Variants in NINL observed in about 807,000 individuals in gnomAD.
The protein encoded by NINL is ninein-like protein.
NINL carries 153 observed loss-of-function variants against 160.3 expected under a neutral mutation model. That is an observed-to-expected ratio of 0.95 (90% CI 0.84 to 1.09). The LOEUF is 1.09. Ranked by LOEUF, NINL falls within the 50% of genes least tolerant of loss-of-function variation. The pLI, the probability that NINL is intolerant of heterozygous loss-of-function variation, is 0.00. For synonymous variants in NINL, 800 were observed against 734.8 expected (o/e 1.09, Z -1.43); for missense variants, 1,829 against 1,764.0 (o/e 1.04, Z -0.66).
intron 15 of NINL, among the ~76,000 whole-genome samples, chr20:25,479,884 G>C (rs11697535): frequency 6.6e-6 from 1 of 152,328 alleles, no homozygotes; most frequent in African/African-American, 2.4e-5. Context: ...GGCTGGCCAC[G>C]GCGCTGCGCT....
At chr20:25,521,776 T>C (rs150681613) in intron 2 of NINL, among the ~76,000 whole-genome samples, 1 of 152,206 alleles carries the variant, frequency 6.6e-6, no homozygotes, top group African/African-American at 2.4e-5. Context: ...CTTGAATGAC[T>C]CCGGGTTTTG....
chr20:25,584,578 C>A (rs910249542), intron 1 of NINL, among the ~76,000 whole-genome samples: 1 of 152,232 alleles, frequency 6.6e-6, no homozygotes, highest in African/African-American at 2.4e-5. Context: ...AAGAAACTTA[C>A]CATTACTCAT....
chr20:25,542,705 A>T lies in NINL; in HGVS notation c.-11-16107T>A, dbSNP rs1405157352. On this transcript the variant is annotated intron_variant, in intron 1 of 23. Coordinates refer to ENST00000278886, the MANE Select transcript of NINL (RefSeq NM_025176.6). ...AATAAACTTGCTTTCACTAAAAAAAAAAAAAAAAAAAAAAAAAAAAAAAAA... is the reference window on the plus strand; with the variant it reads ...AATAAACTTGCTTTCACTAAAAAAATAAAAAAAAAAAAAAAAAAAAAAAAA... Among the ~76,000 whole-genome samples, 12 of 3,356 alleles carry T rather than the reference A, an allele frequency of 3.6e-3. No individual in the cohort carries two copies. In the East Asian group the frequency reaches 0.087, roughly 24 times the overall value. 2.2% of individuals were successfully genotyped at this position (3,356 alleles called of 152,430 possible).
rs745365143 is a variant in NINL, at chr20:25,517,760, C to T, written c.270G>A (p.Leu90=). 3 of 1,596,656 alleles carry T rather than the reference C, an allele frequency of 1.9e-6. No individual in the cohort carries two copies. Among genetic ancestry groups the T allele is most frequent in the South Asian group, 1.1e-5 (1 of 87,436 alleles). ...VRPSDEDSSS[L]ESAASSAIPP... ...CAGAGGAAATCCTCTTACCTGATTC[C>T]AAAGAACTACTGTCTTCATCTGAGG... Residue 90 remains leucine (L), a synonymous_variant, in exon 3 of 24, where the codon TTG becomes TTA. Coordinates refer to ENST00000278886, the MANE Select transcript of NINL (RefSeq NM_025176.6).
At chr20:25,577,143 T>G (rs762135661) in intron 1 of NINL, among the ~76,000 whole-genome samples, 1 of 152,186 alleles carries the variant, frequency 6.6e-6, no homozygotes, top group Non-Finnish European at 1.5e-5. Context: ...TTACCTTCAT[T>G]TGGGGCCTTG....
In NINL at chr20:25,467,261, G is replaced by C. The variant is rs1251109562; in HGVS notation, c.3423+128C>G. The C allele has an allele frequency of 4.7e-6, 4 of 846,840 alleles. No homozygotes were observed. The East Asian group carries it at 9.8e-5, about 21-fold the overall frequency. 52.5% of individuals were successfully genotyped at this position (846,840 alleles called of 1,614,324 possible). The stretch of plus-strand genomic sequence containing the variant: ...TGACTTTGATGGGGCCTGGGGGCCA[G>C]TCAGCAACTCACTGTCAAGTCTTTT... On this transcript the variant is annotated intron_variant, in intron 19 of 23. Transcript: ENST00000278886.
chr20:25,458,388 G>T lies in NINL; in HGVS notation c.3838C>A (p.Gln1280Lys). The change falls in exon 22 of 24, where the codon CAG becomes AAG. Residue 1280 changes from glutamine (Q) to lysine (K), a missense_variant. Gln to Lys is a moderately conservative substitution (Grantham distance 53). Coordinates refer to ENST00000278886, the MANE Select transcript of NINL (RefSeq NM_025176.6). ...GEQARRRLDA[Q>K]REEHEKQLKA... is the part of the protein sequence containing the mutation. ...CTCGCTGCATCCCCACTTACCCGCT[G>T]TGCATCCAGGCGCCTCCTGGCCTGC... The T allele has an allele frequency of 6.2e-7, 1 of 1,606,346 alleles. No homozygotes were observed.
intron 22 of NINL, 144 bp from the exon 23 acceptor site, chr20:25,455,930 T>TA (rs1035510704): frequency 5.9e-5 from 38 of 648,618 alleles, no homozygotes; most frequent in Admixed American, 9.5e-5. Flanking sequence ...CCATCTCTAC[T>TA]AAAAAAAATA....
intron 5 of NINL, among the ~76,000 whole-genome samples, chr20:25,507,362 C>A (rs1446064479): frequency 6.6e-6 from 1 of 152,106 alleles, no homozygotes; most frequent in African/African-American, 2.4e-5. Context: ...CTTTTCCTAA[C>A]CTTTGTCTTC....
Position 25,476,616 on chromosome 20 carries a change from G to C in NINL, c.2675C>G (p.Ala892Gly), listed in dbSNP as rs768387918. 10 of 1,593,034 alleles carry C rather than the reference G, an allele frequency of 6.3e-6. No individual in the cohort carries two copies. In the Admixed American group the frequency reaches 1.7e-4, roughly 27 times the overall value. ...GTGGGATGCCGGGGCAGGGGCGGGG[G>C]CCGGGCTCTGCGTAGCTTCTGTGTC... ...AQDTEATQSP[A>G]PAPAPASHGP... Residue 892 changes from alanine to glycine, a missense_variant, in exon 17 of 24, where the codon GCC becomes GGC. By Grantham distance (60) the Ala-to-Gly change is moderately conservative. Transcript: ENST00000278886.
At chr20:25,521,226 C>T (rs1046969276) in intron 2 of NINL, among the ~76,000 whole-genome samples, 2 of 152,084 alleles carry the variant, frequency 1.3e-5, no homozygotes, top group African/African-American at 4.8e-5. Context: ...CTGTTAAATG[C>T]TTCTATTTAG....
intron 17 of NINL, among the ~76,000 whole-genome samples, chr20:25,472,323 G>GGA (rs1177798376): frequency 1.5e-4 from 8 of 54,626 alleles, no homozygotes; most frequent in South Asian, 7.4e-4. Flanking sequence ...TGGGAGGAGA[G>GGA]GATATATATA....
At chr20:25,558,110 T>C (rs980506602) in intron 1 of NINL, among the ~76,000 whole-genome samples, 10 of 152,120 alleles carry the variant, frequency 6.6e-5, no homozygotes, top group African/African-American at 2.2e-4. Context: ...CATTACACTA[T>C]AGCCTGGGTG....
intron 1 of NINL, among the ~76,000 whole-genome samples, chr20:25,581,680 T>G (rs1020151896): frequency 6.6e-6 from 1 of 152,222 alleles, no homozygotes; most frequent in African/African-American, 2.4e-5. Flanking sequence ...GATAACTCTT[T>G]TTTGTAGAAT....
chr20:25,502,229 G>A lies in NINL; in HGVS notation c.862-1219C>T, dbSNP rs140596321. ...ACTCCTGACCTCAAATGATCCGCCC[G>A]CCTTGGCCTCCCAAAGTGCTGGTAT... On this transcript the variant is annotated intron_variant, in intron 7 of 23. Transcript: ENST00000278886. Among the ~76,000 whole-genome samples, 247 of 152,194 alleles carry A rather than the reference G, an allele frequency of 1.6e-3. 3 individuals are homozygous for A. Among genetic ancestry groups the A allele is most frequent in the African/African-American group, 5.6e-3 (232 of 41,516 alleles).
intron 19 of NINL, 125 bp from the exon 20 acceptor site, chr20:25,462,666 G>GT (rs1469012798): frequency 3.3e-6 from 3 of 905,922 alleles, no homozygotes; most frequent in Non-Finnish European, 1.6e-6. Flanking sequence ...GTTTTGTTTT[G>GT]TTTTTCAAGA....
rs1354957162 is a variant in NINL at position 25,496,643 on chromosome 20, C to T, written c.1310+20G>A. ...TGGGGAGGCCCAGGTAAGAATCCACCACCTGGGCCCAGAACCCACTTGATT... is the reference window on the plus strand; with the variant it reads ...TGGGGAGGCCCAGGTAAGAATCCACTACCTGGGCCCAGAACCCACTTGATT... On this transcript the variant is annotated intron_variant, in intron 10 of 23. Coordinates refer to ENST00000278886, the MANE Select transcript of NINL (RefSeq NM_025176.6). The T allele has an allele frequency of 5.0e-6, 8 of 1,603,316 alleles. No individual in the cohort carries two copies. The highest frequency in any genetic ancestry group is 5.9e-6 in the Non-Finnish European group (7 of 1,178,280).
chr20:25,529,618 A>C (rs2064419960), intron 1 of NINL, among the ~76,000 whole-genome samples: 1 of 149,578 alleles, frequency 6.7e-6, no homozygotes. Context: ...AGAAAACCAT[A>C]AACAATAAAT....
intron 3 of NINL, among the ~76,000 whole-genome samples, 178 bp from the exon 4 acceptor site, chr20:25,513,184 C>A (rs1264241011): frequency 6.6e-6 from 1 of 152,152 alleles, no homozygotes; most frequent in African/African-American, 2.4e-5. Flanking sequence ...AATGGCAATT[C>A]TATGACCTTG....
Sources: gnomAD v4.1 joint callset for allele counts (sites outside exome capture counted in the v4.1 genomes callset) on GRCh38, gnomAD v4.1.1 for gene constraint, MANE v1.5 for transcripts, NCBI Gene and HGNC (gene_info 2026-07-23, HGNC 2026-07-21) for gene names.